SUGP2: variants seen among roughly 807,000 people sequenced by gnomAD.
The protein encoded by SUGP2 is SURP and G-patch domain-containing protein 2.
SUGP2 carries 24 observed loss-of-function variants against 90.5 expected under a neutral mutation model. That is an observed-to-expected ratio of 0.27 (90% CI 0.19 to 0.37). The LOEUF is 0.37. Ranked by LOEUF, SUGP2 falls within the 10% of genes least tolerant of loss-of-function variation. The pLI, the probability that SUGP2 is intolerant of heterozygous loss-of-function variation, is 1.00. For missense variants in SUGP2, 1,233 were observed against 1,363.3 expected (o/e 0.90, Z 1.51); for synonymous variants, 473 against 513.4 (o/e 0.92, Z 1.06).
At chr19:18,995,016 T>C in intron 9 of SUGP2, 128 bp downstream of exon 9, 1 of 1,149,208 alleles carries the variant, frequency 8.7e-7, no homozygotes, top group Admixed American at 2.0e-5. Context: ...TGAAGATGCC[T>C]TCTGTTTAAA....
chr19:19,004,768 C>T, intron 6 of SUGP2, 122 bp from the exon 7 acceptor site: 2 of 770,238 alleles, frequency 2.6e-6, no homozygotes, highest in South Asian at 3.5e-5. Context: ...ATAACCTGAC[C>T]AGTCTCTACG....
At chr19:19,000,201 C>A (rs758524389) in intron 8 of SUGP2, among the ~76,000 whole-genome samples, 12 of 152,250 alleles carry the variant, frequency 7.9e-5, no homozygotes, top group Non-Finnish European at 1.5e-4. Context: ...GCTGCCCCAG[C>A]CTCTCTACCG....
rs776189835 is a variant in SUGP2 at position 19,010,252 on chromosome 19, G to A, written c.1941C>T (p.Ala647=). The A allele has an allele frequency of 1.3e-5, 21 of 1,613,928 alleles. No individual in the cohort carries two copies. The highest frequency in any genetic ancestry group is 2.2e-5 in the East Asian group (1 of 44,872). The change falls in exon 5 of 11, where the codon GCC becomes GCT. Residue 647 remains alanine (A), a synonymous_variant. Transcript: ENST00000452918. ...AGTCTGCTGAGGTCGGCTTCTGGTC[G>A]GCTCCTCGCAAGTTCTCGCTCATCC... ...MQRMSENLRG[A]DQKPTSADCA...
At position 19,024,609 on chromosome 19, in the gene SUGP2, A is replaced by G. The variant is rs1482959564; in HGVS notation, c.1729+10T>C. The G allele has an allele frequency of 2.5e-6, 4 of 1,580,466 alleles. No individual in the cohort carries two copies. The highest frequency in any genetic ancestry group is 3.4e-6 in the Non-Finnish European group (4 of 1,164,624). ...AAACAACAAATAGAAACTTTGGCTG[A>G]TTTCCTTACCATCACTCAGACTACT... On this transcript the variant is annotated intron_variant, in intron 3 of 10. Transcript: ENST00000452918.
At position 19,025,383 on chromosome 19, in the gene SUGP2, G is replaced by C. The variant is rs1568454734; in HGVS notation, c.965C>G (p.Ser322Cys). ...TATCCCAAATCTTGAAAAAACATCA[G>C]ACTTATCTATGATGTCAAAGCTCAT... The part of the protein sequence containing the change: ...RKMSFDIIDK[S>C]DVFSRFGIEI... The change falls in exon 3 of 11, where the codon TCT becomes TGT. Residue 322 changes from serine (S) to cysteine (C), a missense_variant. Ser to Cys is a moderately radical substitution (Grantham distance 112, BLOSUM62 -1). Around this residue, in one of 8 missense-constraint regions of SUGP2, gnomAD observed 418 missense variants for 399.9 expected, o/e 1.05. Transcript: ENST00000452918. The C allele has an allele frequency of 6.2e-7, 1 of 1,614,072 alleles. No homozygotes were observed. Among genetic ancestry groups the C allele is most frequent in the Non-Finnish European group, 8.5e-7 (1 of 1,180,014 alleles).
At position 19,004,494 on chromosome 19, in the gene SUGP2, A is replaced by C; in HGVS notation, c.2603T>G (p.Met868Arg). The stretch of plus-strand genomic sequence containing the variant: ...GTCTTCAAACTCTGCTTCCCCTTCC[A>C]TGAGGTCCACGGGGCTCTCCTGAGA... The part of the protein sequence containing the change: ...TGSQESPVDL[M>R]EGEAEFEDEP... The change falls in exon 7 of 11, where the codon ATG (methionine) becomes AGG (arginine). Residue 868 changes from methionine (M) to arginine (R), a missense_variant. Met to Arg is a moderately conservative substitution (Grantham distance 91, BLOSUM62 -1). Coordinates refer to ENST00000452918, the MANE Select transcript of SUGP2 (RefSeq NM_001017392.5). The C allele has an allele frequency of 6.2e-7, 1 of 1,614,056 alleles. No individual in the cohort carries two copies. The highest frequency in any genetic ancestry group is 8.5e-7 in the Non-Finnish European group (1 of 1,180,000).
chr19:19,001,169 C>T (rs1454199948), intron 8 of SUGP2, among the ~76,000 whole-genome samples: 2 of 152,124 alleles, frequency 1.3e-5, no homozygotes, highest in Non-Finnish European at 2.9e-5. Context: ...GCGCCTGCCA[C>T]CATGCCCGGC....
chr19:19,030,629 A>G (rs1001003310), intron 2 of SUGP2, among the ~76,000 whole-genome samples: 1 of 152,136 alleles, frequency 6.6e-6, no homozygotes, highest in Admixed American at 6.5e-5. Flanking sequence ...AGATCAAAAC[A>G]TTATCCCCTG....
At position 19,026,050 on chromosome 19, in the gene SUGP2, C is replaced by A. The variant is rs1400644610; in HGVS notation, c.298G>T (p.Asp100Tyr). The A allele has an allele frequency of 6.2e-7, 1 of 1,613,962 alleles. No individual in the cohort carries two copies. The highest frequency in any genetic ancestry group is 1.3e-5 in the African/African-American group (1 of 74,906). ...FRSSNPSISD[D>Y]SYFRKECGRD... ...CCACATTCTTTGCGAAAGTAGCTGT[C>A]ATCACTGATGGAAGGGTTGCTTGAT... Residue 100 changes from aspartate (D) to tyrosine (Y), a missense_variant, in exon 3 of 11, where the codon GAC becomes TAC. Coordinates refer to ENST00000452918, the MANE Select transcript of SUGP2 (RefSeq NM_001017392.5).
intron 4 of SUGP2, among the ~76,000 whole-genome samples, chr19:19,011,069 C>T (rs1004394080): frequency 6.6e-6 from 1 of 150,656 alleles, no homozygotes; most frequent in African/African-American, 2.4e-5. Context: ...CCCAGGAAGT[C>T]GAGAGGCTGT....
chr19:18,997,678 G>A (rs1233925674), intron 8 of SUGP2, among the ~76,000 whole-genome samples: 1 of 151,158 alleles, frequency 6.6e-6, no homozygotes, highest in Non-Finnish European at 1.5e-5. Flanking sequence ...AGCTACTCTG[G>A]AGGCTGAGGC....
At chr19:19,007,124 C>T (rs1079543) in intron 6 of SUGP2, among the ~76,000 whole-genome samples, 106,042 of 152,056 alleles carry the variant, frequency 0.7, 37,393 homozygotes, top group East Asian at 0.89. Flanking sequence ...CATGTCACCC[C>T]GGGGAAAAAC....
chr19:19,026,055 C>T lies in SUGP2; in HGVS notation c.293G>A (p.Ser98Asn). 6.2e-7 allele frequency: 1 copy of T among 1,614,100 alleles called. No homozygotes were observed. Among genetic ancestry groups the T allele is most frequent in the South Asian group, 1.1e-5 (1 of 91,066 alleles). The change falls in exon 3 of 11, where the codon AGT becomes AAT. Residue 98 changes from serine (S) to asparagine (N), a missense_variant. Transcript: ENST00000452918. ...TTCTTTGCGAAAGTAGCTGTCATCA[C>T]TGATGGAAGGGTTGCTTGATCTGAA... Reference protein sequence around the residue: ...PSFRSSNPSISDDSYFRKECG... With the variant: ...PSFRSSNPSINDDSYFRKECG...
At chr19:18,995,375 A>C in intron 8 of SUGP2, 95 bp from the exon 9 acceptor site, 8 of 1,379,372 alleles carry the variant, frequency 5.8e-6, no homozygotes, top group Non-Finnish European at 7.7e-6. Flanking sequence ...TCACCCCCAA[A>C]TGCCCTCCTG....
chr19:19,022,033 G>C (rs1286429575), intron 3 of SUGP2, among the ~76,000 whole-genome samples: 1 of 151,826 alleles, frequency 6.6e-6, no homozygotes, highest in Non-Finnish European at 1.5e-5. Context: ...TCGCCAGGCT[G>C]GAGAGCAGTG....
At position 19,025,975 on chromosome 19, in the gene SUGP2, G is replaced by C; in HGVS notation, c.373C>G (p.His125Asp). 1 of 1,614,142 alleles carries C rather than the reference G, an allele frequency of 6.2e-7. No homozygotes were observed. The highest frequency in any genetic ancestry group is 8.5e-7 in the Non-Finnish European group (1 of 1,180,040). ...HSDSRDQVIG[H>D]RKLGHFRSQD... ...GAACGGAAATGCCCCAATTTCCGGT[G>C]GCCAATGACCTGGTCCCGAGAATCA... The change falls in exon 3 of 11, where the codon CAC becomes GAC. Residue 125 changes from histidine to aspartate, a missense_variant. Coordinates refer to ENST00000452918, the MANE Select transcript of SUGP2 (RefSeq NM_001017392.5).
intron 4 of SUGP2, among the ~76,000 whole-genome samples, chr19:19,013,346 T>C (rs2058374494): frequency 6.6e-6 from 1 of 152,230 alleles, no homozygotes; most frequent in African/African-American, 2.4e-5. Context: ...CTCTACATCC[T>C]TTCTTTTTGG....
chr19:19,025,780 C>G lies in SUGP2; in HGVS notation c.568G>C (p.Asp190His). The stretch of plus-strand genomic sequence containing the variant: ...TCCCCAGGATGGTCCACGTCATAAT[C>G]CCGACTCTCCTTCTCCAAACACTCT... ...EKECLEKESR[D>H]YDVDHPGEAD... The change falls in exon 3 of 11, where the codon GAT (aspartate) becomes CAT (histidine). Residue 190 changes from aspartate to histidine, a missense_variant. Physicochemically the swap from Asp to His is moderately conservative, Grantham distance 81 (BLOSUM62 -1). Coordinates refer to ENST00000452918, the MANE Select transcript of SUGP2 (RefSeq NM_001017392.5). 2 of 1,613,982 alleles carry G rather than the reference C, an allele frequency of 1.2e-6. No individual in the cohort carries two copies. The highest frequency in any genetic ancestry group is 2.2e-5 in the East Asian group (1 of 44,874).
At chr19:19,020,629 G>C (rs1187323434) in intron 3 of SUGP2, among the ~76,000 whole-genome samples, 1 of 151,288 alleles carries the variant, frequency 6.6e-6, no homozygotes, top group Non-Finnish European at 1.5e-5. Flanking sequence ...GTACAGACGA[G>C]GCTTCACCAC....
Sources: allele counts gnomAD v4.1 joint callset (sites outside exome capture counted in the v4.1 genomes callset), GRCh38; gene constraint gnomAD v4.1.1; regional missense constraint gnomAD v4.1.1; transcripts MANE v1.5; gene names NCBI Gene and HGNC (gene_info 2026-07-23, HGNC 2026-07-21).